The following MALRD1 variants were observed in gnomAD, a reference collection of about 807,000 sequenced individuals.
MALRD1 encodes the protein MAM and LDL receptor class A domain containing 1.
MALRD1 carries 247 observed loss-of-function variants against 242.1 expected under a neutral mutation model. The ratio of observed to expected loss-of-function variants is 1.02; its 90% confidence interval spans 0.92 to 1.13. The LOEUF (loss-of-function observed/expected upper bound fraction) is 1.13. Among genes scored for constraint, MALRD1 ranks in the 50% most tolerant of loss-of-function variants. The probability of loss-of-function intolerance (pLI) is 0.00; values close to 1 mark genes in which losing one functional copy is unlikely to be tolerated. For synonymous variants in MALRD1, 995 were observed against 866.6 expected (o/e 1.15, Z -2.60); for missense variants, 2,989 against 2,533.1 (o/e 1.18, Z -3.86).
intron 12 of MALRD1, among the ~76,000 whole-genome samples, chr10:19,164,832 T>A (rs144734969): frequency 1.5e-3 from 233 of 152,194 alleles, no homozygotes; most frequent in African/African-American, 5.0e-3. Flanking sequence ...ACCTTTAGAT[T>A]GTGTCATTAT....
intron 11 of MALRD1, among the ~76,000 whole-genome samples, chr10:19,154,745 A>T (rs961125575): frequency 6.6e-6 from 1 of 152,206 alleles, no homozygotes; most frequent in South Asian, 2.1e-4. Flanking sequence ...TGGGTATTTC[A>T]TAAGGGCCTG....
intron 16 of MALRD1, 54 bp from the exon 17 acceptor site, chr10:19,204,844 A>G: frequency 2.1e-6 from 3 of 1,454,202 alleles, no homozygotes; most frequent in Non-Finnish European, 2.7e-6. Flanking sequence ...TAAAGGTTAA[A>G]TATGTAGTCT....
intron 34 of MALRD1, among the ~76,000 whole-genome samples, chr10:19,601,833 T>C (rs1302156690): frequency 6.6e-6 from 1 of 152,092 alleles, no homozygotes; most frequent in Non-Finnish European, 1.5e-5. Context: ...AGATGAGTAG[T>C]ATCTGCCATA....
chr10:19,496,903 A>T (rs1249471887), intron 30 of MALRD1, among the ~76,000 whole-genome samples: 2 of 152,180 alleles, frequency 1.3e-5, no homozygotes, highest in African/African-American at 4.8e-5. Flanking sequence ...CAGTGTTTTC[A>T]TAAGGAGTTG....
chr10:19,476,578 C>G (rs7903569), intron 29 of MALRD1, among the ~76,000 whole-genome samples: 3 of 152,036 alleles, frequency 2.0e-5, no homozygotes, highest in Admixed American at 1.3e-4. Flanking sequence ...AACTGCCTTG[C>G]TGGTGTGCTT....
intron 29 of MALRD1, among the ~76,000 whole-genome samples, chr10:19,470,047 T>C (rs6481938): frequency 0.86 from 130,791 of 151,774 alleles, 56,520 homozygotes; most frequent in East Asian, 1. Context: ...ATAGGGCAAC[T>C]CCAGAACTTA....
chr10:19,479,081 G>A (rs1166043017), intron 29 of MALRD1, among the ~76,000 whole-genome samples: 1 of 152,180 alleles, frequency 6.6e-6, no homozygotes, highest in Non-Finnish European at 1.5e-5. Flanking sequence ...TTTAAACACA[G>A]TTCCATGAAA....
At chr10:19,248,972 A>G (rs1014020192) in intron 18 of MALRD1, among the ~76,000 whole-genome samples, 1 of 146,492 alleles carries the variant, frequency 6.8e-6, no homozygotes, top group Non-Finnish European at 1.5e-5. Flanking sequence ...TATATTTTGT[A>G]ATATAAATAT....
In MALRD1 at chr10:19,419,231, C is replaced by CCTTATT. The variant is rs1233763777; in HGVS notation, c.4845+29625_4845+29630dup. On this transcript the variant is annotated intron_variant, in intron 28 of 39. Transcript: ENST00000454679. The stretch of plus-strand genomic sequence containing the variant: ...AACATGGTCCTCTTAAAATGATTTT[C>CCTTATT]CTTATTCTCATTCTCCTTCTCCTCC... 2.0e-5 allele frequency among the ~76,000 whole-genome samples: 3 copies of CCTTATT among 152,016 alleles called. No individual in the cohort carries two copies. The East Asian group carries it at 5.8e-4, about 29-fold the overall frequency.
Position 19,567,599 on chromosome 10 carries a change from G to A in MALRD1, c.5576G>A (p.Ser1859Asn), listed in dbSNP as rs984416095. The change falls in exon 33 of 40, where the codon AGT becomes AAT. Residue 1859 changes from serine (S) to asparagine (N), a missense_variant. Transcript: ENST00000454679. The stretch of plus-strand genomic sequence containing the variant: ...ACATATGGCTCTGTGCCTCTCTCCA[G>A]TAACAGTCCGTTTAAGGTGGCATTT... The part of the protein sequence containing the change: ...GWTYGSVPLS[S>N]NSPFKVAFEA... The A allele has an allele frequency of 3.2e-6, 5 of 1,550,598 alleles. No homozygotes were observed. Among genetic ancestry groups the A allele is most frequent in the African/African-American group, 1.4e-5 (1 of 73,148 alleles).
At chr10:19,317,094 G>A (rs1842737606) in intron 21 of MALRD1, among the ~76,000 whole-genome samples, 1 of 151,108 alleles carries the variant, frequency 6.6e-6, no homozygotes, top group South Asian at 2.1e-4. Flanking sequence ...AAGAATGCTA[G>A]TACTATTGAA....
intron 1 of MALRD1, among the ~76,000 whole-genome samples, chr10:19,062,233 C>G (rs1309847730): frequency 1.3e-5 from 2 of 152,084 alleles, no homozygotes; most frequent in East Asian, 3.9e-4. Context: ...CACTTCACAC[C>G]CATTGTGATG....
chr10:19,404,073 A>G (rs1377046105), intron 28 of MALRD1, among the ~76,000 whole-genome samples: 2 of 152,136 alleles, frequency 1.3e-5, no homozygotes, highest in African/African-American at 2.4e-5. Context: ...AACTAAAAAT[A>G]TAGTAAAGCT....
At chr10:19,621,517 A>G (rs1163404047) in intron 36 of MALRD1, among the ~76,000 whole-genome samples, 1 of 151,732 alleles carries the variant, frequency 6.6e-6, no homozygotes, top group South Asian at 2.1e-4. Flanking sequence ...AGAAATTTTT[A>G]ACAAAGGTGC....
At position 19,595,201 on chromosome 10, in the gene MALRD1, C is replaced by T. The variant is rs1323861683; in HGVS notation, c.5688C>T (p.Val1896=). 19 of 1,548,994 alleles carry T rather than the reference C, an allele frequency of 1.2e-5. 1 individual carries two copies. Among genetic ancestry groups the T allele is most frequent in the Non-Finnish European group, 1.7e-5 (19 of 1,146,004 alleles). Residue 1896 remains valine (V), a synonymous_variant, in exon 34 of 40, where the codon GTC becomes GTT. Coordinates refer to ENST00000454679, the MANE Select transcript of MALRD1 (RefSeq NM_001142308.3). The stretch of plus-strand genomic sequence containing the variant: ...ACTTGCTCTCTTTTTTAGGTCCTGT[C>T]CCAGTGCAGCCATCACCCTGTGAAG... ...FTPECVTGGP[V]PVQPSPCEAD...
intron 28 of MALRD1, among the ~76,000 whole-genome samples, chr10:19,411,733 G>A (rs773951081): frequency 2.0e-5 from 3 of 152,086 alleles, no homozygotes; most frequent in Non-Finnish European, 2.9e-5. Context: ...CCAACATTTA[G>A]CAGGCAAACA....
intron 31 of MALRD1, among the ~76,000 whole-genome samples, chr10:19,521,922 T>C (rs7906804): frequency 0.21 from 31,478 of 152,052 alleles, 5,047 homozygotes; most frequent in African/African-American, 0.46. Context: ...TCTCTCTCAA[T>C]TTCAAATTCT....
intron 36 of MALRD1, among the ~76,000 whole-genome samples, chr10:19,633,075 T>C (rs147610522): frequency 3.9e-5 from 6 of 152,114 alleles, no homozygotes; most frequent in Admixed American, 2.6e-4. Context: ...CTACTAAAGA[T>C]ACAAAAATTA....
At chr10:19,621,185 A>G (rs1839383596) in intron 36 of MALRD1, among the ~76,000 whole-genome samples, 1 of 151,634 alleles carries the variant, frequency 6.6e-6, no homozygotes, top group African/African-American at 2.4e-5. Context: ...CCCCACCCAA[A>G]AAACAACAAA....
Sources: gnomAD v4.1 joint callset for allele counts (sites outside exome capture counted in the v4.1 genomes callset) on GRCh38, gnomAD v4.1.1 for gene constraint, MANE v1.5 for transcripts, NCBI Gene and HGNC (gene_info 2026-07-23, HGNC 2026-07-21) for gene names.